The following TCF4 variants were observed in gnomAD, a reference collection of about 807,000 sequenced individuals.
TCF4 encodes transcription factor 4.
A neutral mutation model predicts 82.1 loss-of-function variants in TCF4; 3 were observed. That is an observed-to-expected ratio of 0.04 (90% CI 0.02 to 0.09). TCF4 has a LOEUF of 0.09. Ranked by LOEUF, TCF4 falls within the 10% of genes least tolerant of loss-of-function variation. The probability of loss-of-function intolerance (pLI) is 1.00; values close to 1 mark genes in which losing one functional copy is unlikely to be tolerated. For missense variants in TCF4, 518 were observed against 852.7 expected (o/e 0.61, Z 4.89); for synonymous variants, 276 against 309.6 (o/e 0.89, Z 1.14).
intron 3 of TCF4, among the ~76,000 whole-genome samples, chr18:55,477,773 C>T (rs553432623): frequency 1.3e-5 from 2 of 152,330 alleles, no homozygotes; most frequent in East Asian, 3.9e-4. Flanking sequence ...ATCTGCCTTA[C>T]TTTACTAGTC....
chr18:55,423,912 G>A (rs547999218), intron 5 of TCF4, among the ~76,000 whole-genome samples: 1 of 152,148 alleles, frequency 6.6e-6, no homozygotes, highest in East Asian at 1.9e-4. Context: ...TGGGCGGAAG[G>A]GGGGATGGGA....
chr18:55,434,797 T>TGTGTGTGTGTG (rs71167297), intron 5 of TCF4, among the ~76,000 whole-genome samples: 3 of 151,442 alleles, frequency 2.0e-5, no homozygotes, highest in Non-Finnish European at 4.4e-5. Flanking sequence ...TGTGTGTGTG[T>TGTGTGTGTGTG]ATTTTAATTT....
chr18:55,427,597 T>C (rs1050636352), intron 5 of TCF4, among the ~76,000 whole-genome samples: 3 of 152,140 alleles, frequency 2.0e-5, no homozygotes, highest in African/African-American at 7.2e-5. Flanking sequence ...ATCAATGAAA[T>C]AGGACTAGGA....
At chr18:55,265,352 T>C (rs568022880) in intron 11 of TCF4, 15 of 152,308 alleles carry the variant, frequency 9.8e-5, no homozygotes, top group African/African-American at 3.6e-4. Flanking sequence ...TGTGCTTATC[T>C]ATAAAGATGA....
At chr18:55,412,993 T>C (rs1429629159) in intron 5 of TCF4, among the ~76,000 whole-genome samples, 1 of 152,182 alleles carries the variant, frequency 6.6e-6, no homozygotes, top group African/African-American at 2.4e-5. Context: ...AGAAAAATTA[T>C]GTATTTTAGC....
chr18:55,520,165 G>A (rs2096921061), intron 3 of TCF4, among the ~76,000 whole-genome samples: 1 of 151,976 alleles, frequency 6.6e-6, no homozygotes, highest in African/African-American at 2.4e-5. Context: ...TTCAATATAA[G>A]GCCAATGATA....
Position 55,415,864 on chromosome 18 carries a change from T to C in TCF4, c.305-12346A>G, listed in dbSNP as rs564769124. ...ATTAACACATATTTTTGTGAGTATA[T>C]TGAATTACACTTAGCAAAGTCTCTT... is the stretch of plus-strand genomic sequence containing the variant. On this transcript the variant is annotated intron_variant, in intron 5 of 19. Transcript: ENST00000354452. 5.3e-5 allele frequency among the ~76,000 whole-genome samples: 8 copies of C among 152,346 alleles called. No homozygotes were observed. In the South Asian group the frequency reaches 1.2e-3, roughly 24 times the overall value.
At chr18:55,456,527 G>A (rs1216930303) in intron 5 of TCF4, among the ~76,000 whole-genome samples, 3 of 152,128 alleles carry the variant, frequency 2.0e-5, no homozygotes, top group Non-Finnish European at 4.4e-5. Flanking sequence ...GGGGCAACTT[G>A]CTCACTTATC....
At chr18:55,272,948 G>A (rs1301257894) in intron 10 of TCF4, among the ~76,000 whole-genome samples, 1 of 152,014 alleles carries the variant, frequency 6.6e-6, no homozygotes, top group East Asian at 1.9e-4. Context: ...GGACTGTTTC[G>A]CCCTGTAGTG....
rs1451944569 is a variant in TCF4 at position 55,222,761 on chromosome 18, C to G, written c.*5274G>C. The G allele has an allele frequency of 6.6e-6, 1 of 152,576 alleles. No individual in the cohort carries two copies. The highest frequency in any genetic ancestry group is 1.9e-4 in the East Asian group (1 of 5,196). 9.5% of individuals were successfully genotyped at this position (152,576 alleles called of 1,614,324 possible). ...TTTGCAAAGTAGATTGATGTCCATTCTACAAAAATATTAACTTACAGTACA... is the reference window on the plus strand; with the variant it reads ...TTTGCAAAGTAGATTGATGTCCATTGTACAAAAATATTAACTTACAGTACA... On this transcript the variant is annotated 3_prime_UTR_variant, in exon 20 of 20. Coordinates refer to ENST00000354452, the MANE Select transcript of TCF4 (RefSeq NM_001083962.2).
At chr18:55,515,548 T>C (rs1471750139) in intron 3 of TCF4, among the ~76,000 whole-genome samples, 1 of 152,108 alleles carries the variant, frequency 6.6e-6, no homozygotes, top group Non-Finnish European at 1.5e-5. Context: ...CATGAAGAGG[T>C]AGACATGAGC....
intron 6 of TCF4, among the ~76,000 whole-genome samples, chr18:55,394,537 C>T (rs1447481031): frequency 1.3e-5 from 2 of 152,112 alleles, no homozygotes; most frequent in Non-Finnish European, 2.9e-5. Flanking sequence ...ATAATATATT[C>T]TATTCAACGA....
chr18:55,591,125 T>C (rs1021840690), upstream of TCF4: 1 of 152,198 alleles, frequency 6.6e-6, no homozygotes, highest in Non-Finnish European at 1.5e-5. Context: ...ACATGTAAGT[T>C]TTTACAGAAC....
chr18:55,226,214 T>C lies in TCF4; in HGVS notation c.*1821A>G, dbSNP rs2046574155. The C allele has an allele frequency of 6.6e-6, 1 of 152,590 alleles. No homozygotes were observed. The highest frequency in any genetic ancestry group is 2.4e-5 in the African/African-American group (1 of 41,458). The allele number at this position is 152,590 out of a possible 1,614,324, so 9.5% of individuals were successfully genotyped here. ...AGAACAGATGGAACATTTAGACCATTTCAATGGATTTATGGCATTTACTCA... is the reference window on the plus strand; with the variant it reads ...AGAACAGATGGAACATTTAGACCATCTCAATGGATTTATGGCATTTACTCA... On this transcript the variant is annotated 3_prime_UTR_variant, in exon 20 of 20. Transcript: ENST00000354452.
intron 3 of TCF4, among the ~76,000 whole-genome samples, chr18:55,503,163 C>T (rs2096718461): frequency 6.6e-6 from 1 of 152,170 alleles, no homozygotes; most frequent in African/African-American, 2.4e-5. Context: ...TAAAAGTGAT[C>T]CTCACCAACA....
intron 3 of TCF4, among the ~76,000 whole-genome samples, chr18:55,568,166 G>GAAA (rs202124716): frequency 9.3e-6 from 1 of 107,936 alleles, no homozygotes; most frequent in South Asian, 2.9e-4. Context: ...ACTCTATTTA[G>GAAA]AAAAAAAAAA....
chr18:55,455,485 T>A (rs571962289), intron 5 of TCF4, among the ~76,000 whole-genome samples: 3 of 146,880 alleles, frequency 2.0e-5, no homozygotes, highest in South Asian at 4.3e-4. Context: ...GTCCAACACT[T>A]AAGAGTTGAT....
At chr18:55,328,685 A>G (rs1341566801) in intron 8 of TCF4, among the ~76,000 whole-genome samples, 1 of 152,168 alleles carries the variant, frequency 6.6e-6, no homozygotes, top group Admixed American at 6.5e-5. Context: ...GGTTATGTTT[A>G]TTTGTCTGGA....
At chr18:55,613,132 C>T (rs2097708695) in intron 2 of TCF4, among the ~76,000 whole-genome samples, 1 of 152,028 alleles carries the variant, frequency 6.6e-6, no homozygotes, top group South Asian at 2.1e-4. Flanking sequence ...ATTCAATAAA[C>T]TGCACATATT....
Sources: allele counts gnomAD v4.1 joint callset (sites outside exome capture counted in the v4.1 genomes callset), GRCh38; gene constraint gnomAD v4.1.1; transcripts MANE v1.5; gene names NCBI Gene and HGNC (gene_info 2026-07-23, HGNC 2026-07-21).